Variants in CTNND2 observed in about 807,000 individuals in gnomAD.
CTNND2 encodes the protein catenin delta-2.
In CTNND2, 22 loss-of-function variants were observed where a neutral mutation model predicts 144.4. The ratio of observed to expected loss-of-function variants is 0.15; its 90% CI spans 0.11 to 0.22. The LOEUF is 0.22. Among genes scored for constraint, CTNND2 ranks in the 10% least tolerant of loss-of-function variants. The pLI is 1.00. For synonymous variants in CTNND2, 751 were observed against 695.6 expected, an observed-to-expected ratio of 1.08 and a Z score of -1.25; for missense variants, 1,353 against 1,618.8, an observed-to-expected ratio of 0.84 and a Z score of 2.82.
intron 2 of CTNND2, among the ~76,000 whole-genome samples, chr5:11,716,927 G>A (rs1302350875): frequency 6.6e-6 from 1 of 152,004 alleles, no homozygotes; most frequent in Non-Finnish European, 1.5e-5. Flanking sequence ...GAGTGTAGTG[G>A]CACAGTCTCA....
Position 11,159,584 on chromosome 5 carries a change from C to A in CTNND2, c.2151G>T (p.Gly717=). The change falls in exon 12 of 22, where the codon GGG becomes GGT. Residue 717 remains glycine (G), a synonymous_variant. Coordinates refer to ENST00000304623, the MANE Select transcript of CTNND2 (RefSeq NM_001332.4). ...CGTGACACAGGACTGACCTTAGGCA[C>A]CCGGTGGCGTTACGCAGCACCTGTG... ...HSSQVLRNAT[G]CLRNVSSAGE... is the part of the protein sequence containing the mutation. The A allele has an allele frequency of 6.2e-7, 1 of 1,609,046 alleles. No individual in the cohort carries two copies. Among genetic ancestry groups the A allele is most frequent in the Non-Finnish European group, 8.5e-7 (1 of 1,177,574 alleles).
At chr5:11,661,659 G>A (rs548064057) in intron 2 of CTNND2, among the ~76,000 whole-genome samples, 3 of 152,014 alleles carry the variant, frequency 2.0e-5, no homozygotes, top group African/African-American at 4.8e-5. Flanking sequence ...AGTAACTTTT[G>A]TAACAACTGC....
At chr5:11,655,055 C>T (rs770980679) in intron 2 of CTNND2, among the ~76,000 whole-genome samples, 3 of 151,988 alleles carry the variant, frequency 2.0e-5, no homozygotes, top group Non-Finnish European at 4.4e-5. Context: ...ATTATTAATT[C>T]TAATCGTTTA....
At chr5:11,294,535 T>C (rs941097386) in intron 9 of CTNND2, among the ~76,000 whole-genome samples, 7 of 152,190 alleles carry the variant, frequency 4.6e-5, no homozygotes, top group Non-Finnish European at 8.8e-5. Flanking sequence ...CATGCAAATA[T>C]AGAATGTTGG....
chr5:11,234,458 T>G (rs1172205302), intron 10 of CTNND2, among the ~76,000 whole-genome samples: 2 of 152,202 alleles, frequency 1.3e-5, no homozygotes, highest in Non-Finnish European at 2.9e-5. Flanking sequence ...GATAATCAGG[T>G]AGTTCAAGGT....
At chr5:11,780,138 G>A (rs1162316904) in intron 1 of CTNND2, among the ~76,000 whole-genome samples, 1 of 152,162 alleles carries the variant, frequency 6.6e-6, no homozygotes, top group East Asian at 1.9e-4. Flanking sequence ...TACATTGAAG[G>A]CAGGGCCAGG....
chr5:11,879,550 A>G (rs1388329293), intron 1 of CTNND2, among the ~76,000 whole-genome samples: 1 of 151,780 alleles, frequency 6.6e-6, no homozygotes, highest in Non-Finnish European at 1.5e-5. Flanking sequence ...ATTTGAGCAC[A>G]TTATTGTAAT....
At chr5:11,441,716 A>G (rs972862447) in intron 3 of CTNND2, among the ~76,000 whole-genome samples, 8 of 143,926 alleles carry the variant, frequency 5.6e-5, no homozygotes, top group Non-Finnish European at 8.9e-5. Context: ...ATATAGGATT[A>G]ATACCCTGTC....
chr5:10,973,666 C>G lies in CTNND2; in HGVS notation c.3465G>C (p.Glu1155Asp). 1 of 1,613,260 alleles carries G rather than the reference C, an allele frequency of 6.2e-7. No individual in the cohort carries two copies. Among genetic ancestry groups the G allele is most frequent in the Non-Finnish European group, 8.5e-7 (1 of 1,179,550 alleles). Residue 1155 changes from glutamate (E) to aspartate (D), a missense_variant, in exon 22 of 22, where the codon GAG becomes GAC. Glu to Asp is a conservative substitution (Grantham distance 45). Around this residue, in one of 4 missense-constraint regions of CTNND2, gnomAD observed 459 missense variants for 674.3 expected, o/e 0.68. Transcript: ENST00000304623. The surrounding 1 kb of genome is among the most constrained non-coding windows in gnomAD (Gnocchi z 5.6). ...VPQEPSRKDY[E>D]TYQPFQNSTR... ...TGGAATTCTGAAATGGCTGGTAGGTCTCGTAATCTTTTCTGCTGGGCTCCT... is the reference window on the plus strand; with the variant it reads ...TGGAATTCTGAAATGGCTGGTAGGTGTCGTAATCTTTTCTGCTGGGCTCCT...
At chr5:11,286,208 A>C (rs1747736853) in intron 9 of CTNND2, among the ~76,000 whole-genome samples, 1 of 152,168 alleles carries the variant, frequency 6.6e-6, no homozygotes, top group African/African-American at 2.4e-5. Context: ...ACATATAAAG[A>C]ACAAAATTTA....
rs182020632 is a variant in CTNND2 at position 11,353,997 on chromosome 5, G to C, written c.1373-7370C>G. ...CACAGTGGACTTATTTCTTTACCTT[G>C]AGTAAGATGAGGGGACCGAGCAAAC... is the stretch of plus-strand genomic sequence containing the variant. On this transcript the variant is annotated intron_variant, in intron 8 of 21. Coordinates refer to ENST00000304623, the MANE Select transcript of CTNND2 (RefSeq NM_001332.4). Among the ~76,000 whole-genome samples the C allele has an allele frequency of 7.9e-4, 121 of 152,220 alleles. No homozygotes were observed. In the Middle Eastern group the frequency reaches 0.01, roughly 13 times the overall value.
chr5:11,174,006 TG>T (rs989078963), intron 11 of CTNND2, among the ~76,000 whole-genome samples: 3 of 152,124 alleles, frequency 2.0e-5, no homozygotes, highest in African/African-American at 7.2e-5. Flanking sequence ...CCAGCAGAGA[TG>T]GACGTGGTCA....
intron 12 of CTNND2, among the ~76,000 whole-genome samples, chr5:11,136,869 C>T (rs1280172930): frequency 6.6e-6 from 1 of 152,230 alleles, no homozygotes; most frequent in East Asian, 1.9e-4. Context: ...CTAACTCCTA[C>T]TCATCATTCA....
chr5:11,153,354 C>A (rs1428348177), intron 12 of CTNND2, among the ~76,000 whole-genome samples: 3 of 152,164 alleles, frequency 2.0e-5, no homozygotes, highest in Admixed American at 1.3e-4. Flanking sequence ...GCTCATGATA[C>A]AACACTTTAA....
intron 6 of CTNND2, among the ~76,000 whole-genome samples, chr5:11,386,385 T>C (rs2149802119): frequency 1.3e-5 from 2 of 152,250 alleles, no homozygotes; most frequent in African/African-American, 4.8e-5. Context: ...ATGCTAGCCA[T>C]TAAAAGTTTC....
chr5:11,361,857 C>T (rs1207532897), intron 8 of CTNND2, among the ~76,000 whole-genome samples: 1 of 152,220 alleles, frequency 6.6e-6, no homozygotes, highest in African/African-American at 2.4e-5. Context: ...GTGTTGACCC[C>T]TTGAAGGGAA....
chr5:11,438,843 C>T (rs902336062), intron 3 of CTNND2, among the ~76,000 whole-genome samples: 1 of 152,130 alleles, frequency 6.6e-6, no homozygotes, highest in Non-Finnish European at 1.5e-5. Context: ...AAGGGACTTA[C>T]TTCTTTTATG....
Position 11,716,182 on chromosome 5 carries a change from C to T in CTNND2, c.174+15954G>A, listed in dbSNP as rs1257777163. Among the ~76,000 whole-genome samples the T allele has an allele frequency of 3.4e-4, 51 of 152,152 alleles. 1 individual carries two copies. The highest frequency in any genetic ancestry group is 2.1e-4 in the South Asian group (1 of 4,826). ...ATAAGGGGTTTCCCATAGTAACTTC[C>T]GGATTCCTTTATACCAGGTCTGATG... is the stretch of plus-strand genomic sequence containing the variant. On this transcript the variant is annotated intron_variant, in intron 2 of 21. Transcript: ENST00000304623.
intron 1 of CTNND2, among the ~76,000 whole-genome samples, chr5:11,869,229 T>C (rs1247454924): frequency 1.3e-5 from 2 of 152,188 alleles, no homozygotes; most frequent in East Asian, 1.9e-4. Flanking sequence ...CTCTTAGGTA[T>C]ATACCCAAAA....
Sources: allele counts gnomAD v4.1 joint callset (sites outside exome capture counted in the v4.1 genomes callset), GRCh38; gene constraint gnomAD v4.1.1; regional missense constraint gnomAD v4.1.1; non-coding constraint Gnocchi (gnomAD v3.1); transcripts MANE v1.5; gene names NCBI Gene and HGNC (gene_info 2026-07-23, HGNC 2026-07-21).